Variants in ERGIC1 observed in about 807,000 individuals in gnomAD.
ERGIC1 encodes the protein endoplasmic reticulum-Golgi intermediate compartment protein 1.
Under a neutral mutation model 38.3 loss-of-function variants are expected in ERGIC1, and 19 were observed. The observed-to-expected ratio is 0.50, with a 90% CI of 0.35 to 0.73. ERGIC1 has a LOEUF of 0.73. Among genes scored for constraint, ERGIC1 ranks in the 30% least tolerant of loss-of-function variants. The probability of loss-of-function intolerance (pLI) is 0.01; values close to 1 mark genes in which losing one functional copy is unlikely to be tolerated. For synonymous variants in ERGIC1, 124 were observed against 157.6 expected (o/e 0.79, Z 1.60); for missense variants, 294 against 389.2 (o/e 0.76, Z 2.06).
At chr5:172,892,408 G>T (rs1266775068) in intron 2 of ERGIC1, among the ~76,000 whole-genome samples, 1 of 152,152 alleles carries the variant, frequency 6.6e-6, no homozygotes, top group East Asian at 1.9e-4. Context: ...CTGAAGGAAA[G>T]ATCAGGGCAT....
Position 172,834,524 on chromosome 5 carries a change from A to G in ERGIC1, c.20+91A>G. 2 of 1,200,282 alleles carry G rather than the reference A, an allele frequency of 1.7e-6. No homozygotes were observed. The highest frequency in any genetic ancestry group is 2.1e-6 in the Non-Finnish European group (2 of 958,520). 74.4% of individuals were successfully genotyped at this position (1,200,282 alleles called of 1,614,324 possible). ...CGCGGACCCCTCCCGCCCTGCATGC[A>G]AAAGCGGCTCCCCGCCCTGTGCATG... On this transcript the variant is annotated intron_variant, in intron 1 of 9. Coordinates refer to ENST00000393784, the MANE Select transcript of ERGIC1 (RefSeq NM_001031711.3). The surrounding 1 kb of genome is among the most constrained non-coding windows in gnomAD (Gnocchi z 4.1).
chr5:172,938,438 C>G (rs1763932577), intron 9 of ERGIC1, among the ~76,000 whole-genome samples: 1 of 152,184 alleles, frequency 6.6e-6, no homozygotes, highest in Non-Finnish European at 1.5e-5. Flanking sequence ...TGGAAAGCAG[C>G]TGAGACTCTG....
In ERGIC1 at chr5:172,926,652, G is replaced by C; in HGVS notation, c.541+83G>C. 1 of 1,504,258 alleles carries C rather than the reference G, an allele frequency of 6.6e-7. No individual in the cohort carries two copies. The highest frequency in any genetic ancestry group is 9.2e-7 in the Non-Finnish European group (1 of 1,092,376). The allele number at this position is 1,504,258 out of a possible 1,614,324, so 93.2% of individuals were successfully genotyped here. On this transcript the variant is annotated intron_variant, in intron 7 of 9. Transcript: ENST00000393784. The surrounding 1 kb of genome is among the most constrained non-coding windows in gnomAD (Gnocchi z 5.2). Reference sequence around the variant, plus strand: ...GGAGGGGGAGGGCAGAGAGGTGGGGGTGCCTGTCCAGCACCCACTCCAAGG... The same window carrying C: ...GGAGGGGGAGGGCAGAGAGGTGGGGCTGCCTGTCCAGCACCCACTCCAAGG...
intron 1 of ERGIC1, among the ~76,000 whole-genome samples, chr5:172,876,854 A>G (rs543042981): frequency 5.2e-4 from 79 of 152,252 alleles, no homozygotes; most frequent in Non-Finnish European, 9.4e-4. Context: ...ATTCAGCATA[A>G]TTATCTTGAG....
intron 5 of ERGIC1, among the ~76,000 whole-genome samples, chr5:172,922,801 G>A (rs148173084): frequency 6.4e-4 from 97 of 152,348 alleles, no homozygotes; most frequent in African/African-American, 2.1e-3. Flanking sequence ...GGGCAGAGGA[G>A]TGATGAGATC....
rs1761055502 is a variant in ERGIC1, at chr5:172,837,120, C to T, written c.20+2687C>T. On this transcript the variant is annotated intron_variant, in intron 1 of 9. Transcript: ENST00000393784. The surrounding 1 kb of genome is among the most constrained non-coding windows in gnomAD (Gnocchi z 4.3). ...CCCCAGTTCAAGGCCAGGGAGAAAA[C>T]CAGCCGTCCTGCTCGTGTTCCCCTT... Among the ~76,000 whole-genome samples the T allele has an allele frequency of 6.6e-6, 1 of 152,164 alleles. No homozygotes were observed. The highest frequency in any genetic ancestry group is 6.5e-5 in the Admixed American group (1 of 15,290).
chr5:172,845,443 C>T (rs911537744), intron 1 of ERGIC1, among the ~76,000 whole-genome samples: 2 of 152,178 alleles, frequency 1.3e-5, no homozygotes, highest in Non-Finnish European at 2.9e-5. Context: ...ATGCTCTGGC[C>T]AGTCCCCAGG....
In ERGIC1 at chr5:172,893,927, G is replaced by GTATATATATA. The variant is rs1354479966; in HGVS notation, c.83-3074_83-3073insATATATATAT. On this transcript the variant is annotated intron_variant, in intron 2 of 9. Transcript: ENST00000393784. ...TATATGTGTGTGTGTGTGTGTGTGT[G>GTATATATATA]TGTGTGTGTATATATATATATATAT... Among the ~76,000 whole-genome samples, 49 of 56,554 alleles carry GTATATATATA rather than the reference G, an allele frequency of 8.7e-4. 3 individuals carry two copies. The highest frequency in any genetic ancestry group is 1.5e-3 in the Non-Finnish European group (43 of 28,964). The allele number at this position is 56,554 out of a possible 152,430, so 37.1% of individuals were successfully genotyped here.
chr5:172,939,673 A>G (rs1406505767), intron 9 of ERGIC1, among the ~76,000 whole-genome samples: 1 of 152,200 alleles, frequency 6.6e-6, no homozygotes, highest in Non-Finnish European at 1.5e-5. Context: ...TGCTGCAGGG[A>G]ACCTCCTGAC....
chr5:172,853,057 G>A (rs889834212), intron 1 of ERGIC1, among the ~76,000 whole-genome samples: 2 of 152,114 alleles, frequency 1.3e-5, no homozygotes, highest in Non-Finnish European at 2.9e-5. Flanking sequence ...TGTCCAAGAA[G>A]CGCCTGTGTG....
rs1042515812 is a variant in ERGIC1 at position 172,834,828 on chromosome 5, G to T, written c.20+395G>T. Among the ~76,000 whole-genome samples, 4 of 152,200 alleles carry T rather than the reference G, an allele frequency of 2.6e-5. No individual in the cohort carries two copies. The highest frequency in any genetic ancestry group is 9.6e-5 in the African/African-American group (4 of 41,460). Reference sequence around the variant, plus strand: ...TGGACCCCACCTCAGCTGACAGGTGGGGCAGGGCACCTGGAATGAGTCCGG... The same window carrying T: ...TGGACCCCACCTCAGCTGACAGGTGTGGCAGGGCACCTGGAATGAGTCCGG... On this transcript the variant is annotated intron_variant, in intron 1 of 9. Coordinates refer to ENST00000393784, the MANE Select transcript of ERGIC1 (RefSeq NM_001031711.3). This position sits in a 1 kb window ranked among gnomAD's most constrained non-coding sequence, Gnocchi z 4.1.
At chr5:172,893,905 ATGTGTGTGTGTGTGTG>A (rs1554110394) in intron 2 of ERGIC1, among the ~76,000 whole-genome samples, 6 of 15,516 alleles carry the variant, frequency 3.9e-4, no homozygotes, top group African/African-American at 6.6e-4. Context: ...ATATATATAT[ATGTGTGTGTGTGTGTG>A]TGTGTGTGTG....
At chr5:172,909,986 G>T (rs999175496) in intron 4 of ERGIC1, among the ~76,000 whole-genome samples, 2 of 152,200 alleles carry the variant, frequency 1.3e-5, no homozygotes, top group Non-Finnish European at 2.9e-5. Context: ...AGCTGATTTG[G>T]TGCAGGGAGG....
At position 172,935,221 on chromosome 5, in the gene ERGIC1, A is replaced by G. The variant is rs1156311737; in HGVS notation, c.676A>G (p.Ile226Val). 1 of 1,614,090 alleles carries G rather than the reference A, an allele frequency of 6.2e-7. No homozygotes were observed. Among genetic ancestry groups the G allele is most frequent in the East Asian group, 2.2e-5 (1 of 44,870 alleles). The stretch of plus-strand genomic sequence containing the variant: ...CGCCTACAGCCACACGGGCCGCATC[A>G]TCCCTGCAATCTGGTTCCGCTACGA... ...YVAYSHTGRIIPAIWFRYDLS... is the reference protein window; with the variant it reads ...YVAYSHTGRIVPAIWFRYDLS... The change falls in exon 9 of 10, where the codon ATC (isoleucine) becomes GTC (valine). Residue 226 changes from isoleucine (I) to valine (V), a missense_variant. This residue lies in a region of ERGIC1 where 109 missense variants were observed against 112.7 expected (regional missense o/e 0.97). Transcript: ENST00000393784.
At chr5:172,851,575 G>A (rs563148305) in intron 1 of ERGIC1, among the ~76,000 whole-genome samples, 1 of 152,342 alleles carries the variant, frequency 6.6e-6, no homozygotes, top group East Asian at 1.9e-4. Context: ...CCACATGGCA[G>A]CCCAGGGCTG....
At chr5:172,844,871 G>T (rs1761246871) in intron 1 of ERGIC1, among the ~76,000 whole-genome samples, 2 of 152,192 alleles carry the variant, frequency 1.3e-5, no homozygotes. Context: ...CGTCCCCGGG[G>T]TGTCTTTCAG....
rs567326148 is a variant in ERGIC1 at position 172,924,965 on chromosome 5, C to T, written c.480+856C>T. Among the ~76,000 whole-genome samples, 40 of 152,246 alleles carry T rather than the reference C, an allele frequency of 2.6e-4. 1 individual carries two copies. The South Asian group carries it at 7.9e-3, about 30-fold the overall frequency. On this transcript the variant is annotated intron_variant, in intron 6 of 9. Coordinates refer to ENST00000393784, the MANE Select transcript of ERGIC1 (RefSeq NM_001031711.3). ...ATCAAATAATGGTACAGGCCAGGTG[C>T]GGTGGCTCACTCCTGTAATCCCAGC...
At chr5:172,884,253 T>TTTG (rs1554109378) in intron 1 of ERGIC1, among the ~76,000 whole-genome samples, 2 of 118,788 alleles carry the variant, frequency 1.7e-5, no homozygotes, top group African/African-American at 5.4e-5. Flanking sequence ...AGTTTTTTTT[T>TTTG]TTTTTTTTTT....
intron 8 of ERGIC1, 141 bp from the exon 9 acceptor site, chr5:172,935,047 G>A: frequency 8.3e-7 from 1 of 1,198,330 alleles, no homozygotes. Context: ...ATGTGAGAGA[G>A]GGAGTGGGGG....
Sources: gnomAD v4.1 joint callset for allele counts (sites outside exome capture counted in the v4.1 genomes callset) on GRCh38, gnomAD v4.1.1 for gene constraint, gnomAD v4.1.1 regional missense constraint, Gnocchi (gnomAD v3.1) non-coding constraint, MANE v1.5 for transcripts, NCBI Gene and HGNC (gene_info 2026-07-23, HGNC 2026-07-21) for gene names.